The following CSMD1 variants were observed in gnomAD, a reference collection of about 807,000 sequenced individuals.
CSMD1 encodes the protein CUB and Sushi multiple domains 1.
Under a neutral mutation model 417.5 loss-of-function variants are expected in CSMD1, and 213 were observed. The observed-to-expected ratio is 0.51, with a 90% confidence interval of 0.46 to 0.57. CSMD1 has a LOEUF of 0.57. CSMD1 is among the 20% of genes least tolerant of loss of function. CSMD1 has a pLI of 0.00. For synonymous variants in CSMD1, 2,862 were observed against 1,736.8 expected, an observed-to-expected ratio of 1.65 and a Z score of -16.11; for missense variants, 6,923 against 4,529.7, an observed-to-expected ratio of 1.53 and a Z score of -15.17.
chr8:4,714,873 T>G (rs1024463468), intron 1 of CSMD1, among the ~76,000 whole-genome samples: 3 of 152,238 alleles, frequency 2.0e-5, no homozygotes, highest in African/African-American at 7.2e-5. Context: ...GAAAAAAATC[T>G]GTATACCTTT....
chr8:2,991,914 A>T (rs1470678150), intron 54 of CSMD1, among the ~76,000 whole-genome samples: 1 of 152,220 alleles, frequency 6.6e-6, no homozygotes, highest in Admixed American at 6.5e-5. Flanking sequence ...GAAGGTGACT[A>T]CACAGCGAAA....
At position 4,438,037 on chromosome 8, in the gene CSMD1, G is replaced by A. The variant is rs577415583; in HGVS notation, c.303-17972C>T. 1.2e-3 allele frequency among the ~76,000 whole-genome samples: 181 copies of A among 152,234 alleles called. 2 individuals carry two copies. Among genetic ancestry groups the A allele is most frequent in the African/African-American group, 3.9e-3 (161 of 41,540 alleles). On this transcript the variant is annotated intron_variant, in intron 2 of 69. Coordinates refer to ENST00000635120, the MANE Select transcript of CSMD1 (RefSeq NM_033225.6). Reference sequence around the variant, plus strand: ...AAAAGGGGGCATGGAATACTTCCAAGCCTCTTAGCTATGAAGGAACAGCCA... The same window carrying A: ...AAAAGGGGGCATGGAATACTTCCAAACCTCTTAGCTATGAAGGAACAGCCA...
chr8:3,691,949 C>T (rs915825371), intron 7 of CSMD1, among the ~76,000 whole-genome samples: 2 of 152,284 alleles, frequency 1.3e-5, no homozygotes, highest in Non-Finnish European at 2.9e-5. Flanking sequence ...TAATCAAGAG[C>T]TCTCATTTCA....
At chr8:4,523,077 A>G (rs927395405) in intron 2 of CSMD1, among the ~76,000 whole-genome samples, 7 of 152,204 alleles carry the variant, frequency 4.6e-5, no homozygotes, top group East Asian at 1.9e-4. Flanking sequence ...ACAGATATAG[A>G]AACTCCAACC....
At position 3,475,288 on chromosome 8, in the gene CSMD1, G is replaced by C. The variant is rs1169260750; in HGVS notation, c.1449-6464C>G. On this transcript the variant is annotated intron_variant, in intron 11 of 69. Transcript: ENST00000635120. ...CCTTCTTTCAAATTCTGAGCTCTCT[G>C]GGTGCAATTTTATGTCTCTTGGCCA... Among the ~76,000 whole-genome samples, 4 of 152,166 alleles carry C rather than the reference G, an allele frequency of 2.6e-5. No homozygotes were observed. The South Asian group carries it at 8.3e-4, about 32-fold the overall frequency.
At chr8:3,740,424 C>A (rs1796738225) in intron 6 of CSMD1, among the ~76,000 whole-genome samples, 1 of 152,150 alleles carries the variant, frequency 6.6e-6, no homozygotes, top group Non-Finnish European at 1.5e-5. Context: ...GAGCCAAATG[C>A]CTGGTACAGA....
intron 5 of CSMD1, among the ~76,000 whole-genome samples, chr8:3,826,665 G>C (rs976766236): frequency 6.6e-6 from 1 of 152,030 alleles, no homozygotes; most frequent in African/African-American, 2.4e-5. Flanking sequence ...CTCGGGCATG[G>C]GTTTTGAGGA....
At chr8:4,614,260 A>G (rs981649427) in intron 2 of CSMD1, among the ~76,000 whole-genome samples, 1 of 152,226 alleles carries the variant, frequency 6.6e-6, no homozygotes, top group Non-Finnish European at 1.5e-5. Flanking sequence ...AGTTCAGGCT[A>G]CACATTTGTG....
chr8:4,036,275 G>C (rs986436950), intron 3 of CSMD1, among the ~76,000 whole-genome samples: 2 of 152,194 alleles, frequency 1.3e-5, no homozygotes, highest in Non-Finnish European at 2.9e-5. Context: ...CATATCTCAA[G>C]ATGCTGTTGT....
At chr8:4,100,843 G>C (rs1801267609) in intron 3 of CSMD1, among the ~76,000 whole-genome samples, 1 of 152,140 alleles carries the variant, frequency 6.6e-6, no homozygotes, top group Non-Finnish European at 1.5e-5. Flanking sequence ...GTAAAAGCAA[G>C]AGCCTCAGAG....
chr8:4,579,413 C>A (rs183046627), intron 2 of CSMD1, among the ~76,000 whole-genome samples: 1 of 151,878 alleles, frequency 6.6e-6, no homozygotes, highest in Non-Finnish European at 1.5e-5. Flanking sequence ...GGCTGGTGTA[C>A]AATGGCGTGA....
chr8:3,415,028 C>A (rs895836471), intron 12 of CSMD1, among the ~76,000 whole-genome samples: 1 of 152,180 alleles, frequency 6.6e-6, no homozygotes, highest in Non-Finnish European at 1.5e-5. Context: ...AGCACCTGTT[C>A]AGAGTCAACA....
chr8:3,875,595 G>A (rs1302665999), intron 5 of CSMD1, among the ~76,000 whole-genome samples: 6 of 152,178 alleles, frequency 3.9e-5, no homozygotes, highest in Admixed American at 2.0e-4. Flanking sequence ...GAGTCCCATT[G>A]TGAGAGGAGG....
At chr8:3,059,493 G>C (rs1040065263) in intron 49 of CSMD1, among the ~76,000 whole-genome samples, 4 of 152,132 alleles carry the variant, frequency 2.6e-5, no homozygotes, top group Admixed American at 2.6e-4. Context: ...AAATGCTGTG[G>C]GATAAGCTGG....
chr8:4,648,701 G>A (rs1015130206), intron 1 of CSMD1, among the ~76,000 whole-genome samples: 1 of 152,102 alleles, frequency 6.6e-6, no homozygotes. Flanking sequence ...ATTTACAGTT[G>A]TGCTTTTCCT....
chr8:4,927,008 T>C lies in CSMD1; in HGVS notation c.85+67324A>G, dbSNP rs551398894. ...TTTCATTTATAAAGATTCAAAGCAG[T>C]AGACATCCCGTATCTAAAAGACATG... On this transcript the variant is annotated intron_variant, in intron 1 of 69. Coordinates refer to ENST00000635120, the MANE Select transcript of CSMD1 (RefSeq NM_033225.6). Among the ~76,000 whole-genome samples, 84 of 152,088 alleles carry C rather than the reference T, an allele frequency of 5.5e-4. No homozygotes were observed. The Middle Eastern group carries it at 0.017, about 31-fold the overall frequency.
intron 50 of CSMD1, among the ~76,000 whole-genome samples, chr8:3,047,700 T>A (rs900260415): frequency 1.3e-5 from 2 of 152,244 alleles, no homozygotes; most frequent in Admixed American, 1.3e-4. Context: ...CTTTTCCTCA[T>A]AATTTTCACA....
chr8:4,069,739 A>C (rs1283155888), intron 3 of CSMD1, among the ~76,000 whole-genome samples: 1 of 152,166 alleles, frequency 6.6e-6, no homozygotes, highest in Non-Finnish European at 1.5e-5. Flanking sequence ...CCTTGAGTTT[A>C]GGAATGCTGT....
At chr8:3,074,425 G>A (rs1002018695) in intron 49 of CSMD1, among the ~76,000 whole-genome samples, 2 of 152,168 alleles carry the variant, frequency 1.3e-5, no homozygotes, top group South Asian at 2.1e-4. Context: ...TACCCAGGGC[G>A]TCGGTCACCC....
Sources: allele counts gnomAD v4.1 joint callset (sites outside exome capture counted in the v4.1 genomes callset), GRCh38; gene constraint gnomAD v4.1.1; transcripts MANE v1.5; gene names NCBI Gene and HGNC (gene_info 2026-07-23, HGNC 2026-07-21).